Variants in RANBP2 observed in about 807,000 individuals in gnomAD.
RANBP2 encodes E3 SUMO-protein ligase RanBP2.
Under a neutral mutation model 303.6 loss-of-function variants are expected in RANBP2, and 57 were observed. The observed-to-expected ratio is 0.19, with a 90% CI of 0.15 to 0.23. RANBP2 has a LOEUF of 0.23. RANBP2 is among the 10% of genes least tolerant of loss of function. The pLI is 1.00. For missense variants in RANBP2, 3,138 were observed against 3,780.8 expected, an observed-to-expected ratio of 0.83 and a Z score of 4.46; for synonymous variants, 1,167 against 1,301.5, an observed-to-expected ratio of 0.90 and a Z score of 2.23.
the RANBP2 span, among the ~76,000 whole-genome samples, chr2:109,364,459 C>G: frequency 6.6e-6 from 1 of 152,208 alleles, no homozygotes. Context: ...ACATTAGTTG[C>G]CACATCTCAA....
chr2:109,739,918 G>A, the RANBP2 span, among the ~76,000 whole-genome samples: 2 of 141,040 alleles, frequency 1.4e-5, no homozygotes, highest in African/African-American at 2.7e-5. Flanking sequence ...TTTTTTTTTT[G>A]TTATAAAATG....
chr2:109,672,579 C>A, the RANBP2 span, among the ~76,000 whole-genome samples: 1 of 152,120 alleles, frequency 6.6e-6, no homozygotes, highest in South Asian at 2.1e-4. Context: ...CCTAGTGTTA[C>A]GTATTATTAC....
At chr2:109,634,886 A>G in the RANBP2 span, among the ~76,000 whole-genome samples, 2 of 152,264 alleles carry the variant, frequency 1.3e-5, no homozygotes, top group African/African-American at 2.4e-5. Context: ...GTAAACAATT[A>G]TGATTGTCCC....
the RANBP2 span, among the ~76,000 whole-genome samples, chr2:109,059,822 G>T: frequency 8.2e-6 from 1 of 122,150 alleles, no homozygotes; most frequent in African/African-American, 2.6e-5. Flanking sequence ...GTAGGGAAGG[G>T]GTTTTGGTGG....
At chr2:109,102,389 C>T in the RANBP2 span, among the ~76,000 whole-genome samples, 17 of 151,308 alleles carry the variant, frequency 1.1e-4, no homozygotes, top group African/African-American at 3.6e-4. Flanking sequence ...TGTGAGCCAC[C>T]GCGCCCGGCT....
At chr2:108,916,964 C>G in the RANBP2 span, among the ~76,000 whole-genome samples, 374 of 152,272 alleles carry the variant, frequency 2.5e-3, 4 homozygotes, top group African/African-American at 8.6e-3. Flanking sequence ...CACAGGCCAC[C>G]CAGGCCACCA....
the RANBP2 span, among the ~76,000 whole-genome samples, chr2:109,237,904 G>A: frequency 1.3e-5 from 2 of 152,162 alleles, no homozygotes; most frequent in African/African-American, 4.8e-5. Context: ...ATAAGCTATG[G>A]TATATAAATT....
the RANBP2 span, chr2:109,567,865 G>T: frequency 1.1e-5 from 17 of 1,613,508 alleles, no homozygotes; most frequent in Admixed American, 1.7e-5. Context: ...GTTGGGAACT[G>T]GTATATCTGG....
At chr2:109,477,644 T>G in the RANBP2 span, among the ~76,000 whole-genome samples, 1 of 137,768 alleles carries the variant, frequency 7.3e-6, no homozygotes, top group African/African-American at 2.8e-5. Context: ...GTGTGTGTGT[T>G]GGTGAGGGGT....
intron 7 of RANBP2, among the ~76,000 whole-genome samples, chr2:108,744,090 A>G (rs955858079): frequency 7.9e-5 from 12 of 152,196 alleles, no homozygotes; most frequent in Middle Eastern, 3.2e-3. Context: ...TTAACAAAGT[A>G]TCTTGAAACC....
chr2:109,123,916 G>A, the RANBP2 span, among the ~76,000 whole-genome samples: 3 of 152,100 alleles, frequency 2.0e-5, no homozygotes, highest in East Asian at 1.9e-4. Flanking sequence ...TAACTCCCAT[G>A]GACATAACTG....
At chr2:109,337,520 G>C in the RANBP2 span, among the ~76,000 whole-genome samples, 8 of 152,172 alleles carry the variant, frequency 5.3e-5, no homozygotes, top group African/African-American at 1.4e-4. Context: ...AGGCACCCCC[G>C]GTCACAGGAT....
chr2:109,104,175 G>A, the RANBP2 span, among the ~76,000 whole-genome samples: 1 of 152,144 alleles, frequency 6.6e-6, no homozygotes, highest in South Asian at 2.1e-4. Context: ...AATATATTTG[G>A]GGGTAAAATG....
the RANBP2 span, among the ~76,000 whole-genome samples, chr2:109,189,959 T>C: frequency 6.6e-6 from 1 of 152,216 alleles, no homozygotes; most frequent in Non-Finnish European, 1.5e-5. Flanking sequence ...CTGTGTGGAA[T>C]GTTCCCCTGG....
At chr2:109,384,736 G>A in the RANBP2 span, among the ~76,000 whole-genome samples, 3 of 152,134 alleles carry the variant, frequency 2.0e-5, no homozygotes, top group Non-Finnish European at 4.4e-5. Flanking sequence ...AAATGCATGT[G>A]GAGGGAGCCT....
the RANBP2 span, among the ~76,000 whole-genome samples, chr2:108,840,784 A>ATTTCTTTTTTTCTTTT: frequency 1.3e-5 from 2 of 148,492 alleles, no homozygotes; most frequent in South Asian, 2.1e-4. Context: ...TCTTTGTTTC[A>ATTTCTTTTTTTCTTTT]TTTCTTTTTT....
the RANBP2 span, among the ~76,000 whole-genome samples, chr2:109,405,986 C>T: frequency 6.6e-6 from 1 of 152,200 alleles, no homozygotes; most frequent in East Asian, 1.9e-4. Flanking sequence ...TGGCCTTCCC[C>T]AACTCCCGCA....
At chr2:108,957,694 C>T in the RANBP2 span, among the ~76,000 whole-genome samples, 40,632 of 152,212 alleles carry the variant, frequency 0.27, 10,152 homozygotes, top group East Asian at 0.94. Context: ...CCCCATCCTT[C>T]ACCGGGCCTA....
At chr2:109,201,885 A>G in the RANBP2 span, among the ~76,000 whole-genome samples, 1 of 152,198 alleles carries the variant, frequency 6.6e-6, no homozygotes, top group Non-Finnish European at 1.5e-5. Context: ...TAAGCCTCCT[A>G]CCAATGAGTC....
Sources: allele counts gnomAD v4.1 joint callset (sites outside exome capture counted in the v4.1 genomes callset), GRCh38; gene constraint gnomAD v4.1.1; transcripts MANE v1.5; gene names NCBI Gene and HGNC (gene_info 2026-07-23, HGNC 2026-07-21).